GFRA1: variants seen among roughly 807,000 people sequenced by gnomAD.
GFRA1 encodes the protein GDNF family receptor alpha 1.
A neutral mutation model predicts 51.6 loss-of-function variants in GFRA1; 16 were observed. The observed-to-expected ratio is 0.31, with a 90% confidence interval of 0.21 to 0.47. The LOEUF is 0.47. GFRA1 is among the 20% of genes least tolerant of loss of function. The probability of loss-of-function intolerance (pLI) is 1.00; values close to 1 mark genes in which losing one functional copy is unlikely to be tolerated. For missense variants in GFRA1, 530 were observed against 594.3 expected (o/e 0.89, Z 1.13); for synonymous variants, 270 against 241.3 (o/e 1.12, Z -1.10).
intron 5 of GFRA1, among the ~76,000 whole-genome samples, chr10:116,157,199 T>A (rs1361787701): frequency 6.6e-6 from 1 of 152,176 alleles, no homozygotes; most frequent in Non-Finnish European, 1.5e-5. Context: ...AGTCTGGAAG[T>A]AGAATATTTG....
chr10:116,082,884 C>T (rs907311603), intron 9 of GFRA1, among the ~76,000 whole-genome samples: 1 of 152,186 alleles, frequency 6.6e-6, no homozygotes, highest in Admixed American at 6.5e-5. Flanking sequence ...TTTCTGGCCC[C>T]AGCCTCCTGT....
intron 4 of GFRA1, among the ~76,000 whole-genome samples, chr10:116,260,160 G>A (rs1343973017): frequency 1.3e-5 from 2 of 152,152 alleles, no homozygotes; most frequent in Non-Finnish European, 2.9e-5. Context: ...GCGGACCCTT[G>A]GCTAATTTAG....
At chr10:116,169,237 C>CT (rs1211498545) in intron 5 of GFRA1, among the ~76,000 whole-genome samples, 1 of 152,228 alleles carries the variant, frequency 6.6e-6, no homozygotes, top group Non-Finnish European at 1.5e-5. Context: ...CTAGAGTTCA[C>CT]TTTTTGCCTT....
At chr10:116,164,026 G>A (rs956404186) in intron 5 of GFRA1, among the ~76,000 whole-genome samples, 1 of 152,106 alleles carries the variant, frequency 6.6e-6, no homozygotes, top group African/African-American at 2.4e-5. Flanking sequence ...TCCCACTCCC[G>A]AAGAGGCCTG....
At chr10:116,221,487 C>T (rs968365147) in intron 4 of GFRA1, among the ~76,000 whole-genome samples, 11 of 152,016 alleles carry the variant, frequency 7.2e-5, no homozygotes, top group African/African-American at 2.4e-4. Context: ...TGCAGGGGTG[C>T]GATCTCGGCT....
At chr10:116,074,379 G>C (rs116095468) in intron 9 of GFRA1, among the ~76,000 whole-genome samples, 1,646 of 152,290 alleles carry the variant, frequency 0.011, 37 homozygotes, top group African/African-American at 0.037. Flanking sequence ...GTTCTGAGAG[G>C]TGCAGTCATA....
chr10:116,169,923 G>T (rs1310496493), intron 5 of GFRA1, among the ~76,000 whole-genome samples: 1 of 152,152 alleles, frequency 6.6e-6, no homozygotes, highest in Non-Finnish European at 1.5e-5. Context: ...GGGCTCCAGA[G>T]GTTGCTGGCA....
intron 5 of GFRA1, among the ~76,000 whole-genome samples, chr10:116,175,582 CAA>C: frequency 6.6e-6 from 1 of 152,232 alleles, no homozygotes; most frequent in Non-Finnish European, 1.5e-5. Flanking sequence ...AAGCTACATT[CAA>C]AGCTTCAGAA....
At chr10:116,070,013 G>A (rs1290815972) in intron 9 of GFRA1, among the ~76,000 whole-genome samples, 1 of 152,134 alleles carries the variant, frequency 6.6e-6, no homozygotes, top group East Asian at 1.9e-4. Context: ...CAGCCAGCAG[G>A]GATGGAACAT....
intron 5 of GFRA1, among the ~76,000 whole-genome samples, chr10:116,139,223 C>G (rs1331377215): frequency 2.0e-5 from 3 of 152,126 alleles, no homozygotes; most frequent in African/African-American, 7.2e-5. Flanking sequence ...TTTGCACCAA[C>G]CTAATAGAAC....
intron 4 of GFRA1, among the ~76,000 whole-genome samples, chr10:116,266,252 G>A (rs907363161): frequency 6.6e-6 from 1 of 152,178 alleles, no homozygotes; most frequent in Non-Finnish European, 1.5e-5. Context: ...TTCATGTTGG[G>A]CAGAGAAATC....
chr10:116,199,171 T>C (rs1385879402), intron 5 of GFRA1, among the ~76,000 whole-genome samples: 3 of 152,216 alleles, frequency 2.0e-5, no homozygotes, highest in African/African-American at 7.2e-5. Flanking sequence ...TAGATTTCTG[T>C]TGCTTTACAC....
At chr10:116,114,241 G>A (rs1041363058) in intron 6 of GFRA1, among the ~76,000 whole-genome samples, 2 of 152,192 alleles carry the variant, frequency 1.3e-5, no homozygotes, top group Admixed American at 6.5e-5. Flanking sequence ...GGCTCCCACT[G>A]CCTATTCAGT....
intron 5 of GFRA1, among the ~76,000 whole-genome samples, chr10:116,159,832 T>A (rs1565617782): frequency 1.3e-5 from 2 of 152,274 alleles, no homozygotes; most frequent in South Asian, 2.1e-4. Context: ...CCAGAGCTGC[T>A]CTTAGGTCAA....
At chr10:116,081,038 G>A (rs1365624455) in intron 9 of GFRA1, among the ~76,000 whole-genome samples, 1 of 152,186 alleles carries the variant, frequency 6.6e-6, no homozygotes, top group Non-Finnish European at 1.5e-5. Context: ...GCATCTCTTT[G>A]TCTAGCTGGT....
intron 5 of GFRA1, among the ~76,000 whole-genome samples, chr10:116,200,064 G>A (rs1369219522): frequency 6.6e-6 from 1 of 152,190 alleles, no homozygotes; most frequent in Non-Finnish European, 1.5e-5. Flanking sequence ...GCTTTTTATA[G>A]TTGAGTAGTG....
intron 9 of GFRA1, among the ~76,000 whole-genome samples, chr10:116,069,794 A>G (rs1363793372): frequency 1.3e-5 from 2 of 152,180 alleles, no homozygotes; most frequent in Non-Finnish European, 2.9e-5. Context: ...CACATCATTT[A>G]TAGCTCTCAG....
intron 4 of GFRA1, among the ~76,000 whole-genome samples, chr10:116,253,523 G>A (rs751198460): frequency 2.6e-5 from 4 of 151,972 alleles, no homozygotes; most frequent in African/African-American, 4.8e-5. Flanking sequence ...CAGGAGAATC[G>A]TGTGAACCTG....
chr10:116,227,132 C>T (rs933675353), intron 4 of GFRA1, among the ~76,000 whole-genome samples: 1 of 152,220 alleles, frequency 6.6e-6, no homozygotes, highest in African/African-American at 2.4e-5. Context: ...AGGACAGCAG[C>T]AAGCTCTAAA....
Sources: gnomAD v4.1 joint callset for allele counts (sites outside exome capture counted in the v4.1 genomes callset) on GRCh38, gnomAD v4.1.1 for gene constraint, MANE v1.5 for transcripts, NCBI Gene and HGNC (gene_info 2026-07-23, HGNC 2026-07-21) for gene names.